Variants in LINGO2 observed in about 807,000 individuals in gnomAD.
LINGO2 encodes the protein leucine rich repeat and Ig domain containing 2, also known as leucine-rich repeat and immunoglobulin-like domain-containing nogo receptor-interacting protein 2.
LINGO2 carries 14 observed loss-of-function variants against 30.6 expected under a neutral mutation model. The observed-to-expected ratio is 0.46, with a 90% CI of 0.30 to 0.72. The LOEUF is 0.72. Among genes scored for constraint, LINGO2 ranks in the 30% least tolerant of loss-of-function variants. The pLI is 0.07. For synonymous variants in LINGO2, 317 were observed against 288.5 expected, an observed-to-expected ratio of 1.10 and a Z score of -1.00; for missense variants, 729 against 751.7, an observed-to-expected ratio of 0.97 and a Z score of 0.35.
intron 4 of LINGO2, among the ~76,000 whole-genome samples, chr9:28,020,452 C>T (rs913736615): frequency 6.6e-6 from 1 of 152,110 alleles, no homozygotes. Flanking sequence ...TCACTTTAAC[C>T]TGGGTGGTGG....
chr9:28,223,735 T>C (rs1374631001), intron 4 of LINGO2, among the ~76,000 whole-genome samples: 2 of 152,116 alleles, frequency 1.3e-5, no homozygotes, highest in Admixed American at 6.5e-5. Flanking sequence ...GGAAACTTCA[T>C]AGAGCTGAAA....
At chr9:28,007,960 AAC>A (rs1481561981) in intron 5 of LINGO2, among the ~76,000 whole-genome samples, 1 of 152,172 alleles carries the variant, frequency 6.6e-6, no homozygotes, top group Non-Finnish European at 1.5e-5. Context: ...TGCTCATGAC[AAC>A]ATTCATGTGG....
At chr9:28,287,716 G>A (rs899364761) in intron 4 of LINGO2, among the ~76,000 whole-genome samples, 1 of 152,226 alleles carries the variant, frequency 6.6e-6, no homozygotes, top group African/African-American at 2.4e-5. Context: ...CTGCCCCCAT[G>A]TTAATTGAAG....
At chr9:28,945,652 T>A in the LINGO2 span, among the ~76,000 whole-genome samples, 1 of 152,182 alleles carries the variant, frequency 6.6e-6, no homozygotes, top group Admixed American at 6.5e-5. Flanking sequence ...GGACTCAACC[T>A]ATCGTACTGA....
At chr9:28,035,983 C>T (rs749366321) in intron 4 of LINGO2, among the ~76,000 whole-genome samples, 1 of 152,058 alleles carries the variant, frequency 6.6e-6, no homozygotes, top group Non-Finnish European at 1.5e-5. Context: ...CTAGCCTCTA[C>T]TTTTAAAAAA....
the LINGO2 span, among the ~76,000 whole-genome samples, chr9:28,840,131 C>T: frequency 6.6e-6 from 1 of 151,852 alleles, no homozygotes; most frequent in Admixed American, 6.5e-5. Flanking sequence ...CTTGAGGAGA[C>T]AGAGGGGCTT....
At chr9:29,189,981 G>A in the LINGO2 span, among the ~76,000 whole-genome samples, 1 of 150,022 alleles carries the variant, frequency 6.7e-6, no homozygotes, top group East Asian at 2.0e-4. Context: ...AGCTTTGGCT[G>A]GGCATCAGAG....
At chr9:28,340,325 C>G (rs1185691643) in intron 3 of LINGO2, among the ~76,000 whole-genome samples, 1 of 152,072 alleles carries the variant, frequency 6.6e-6, no homozygotes, top group Non-Finnish European at 1.5e-5. Context: ...CTCAATACTG[C>G]TAGCTGATTT....
the LINGO2 span, among the ~76,000 whole-genome samples, chr9:29,000,462 T>G: frequency 6.6e-6 from 1 of 151,902 alleles, no homozygotes; most frequent in Non-Finnish European, 1.5e-5. Flanking sequence ...TTTTTGAAAT[T>G]TGAGCACACC....
At chr9:28,041,097 CA>C (rs1052035721) in intron 4 of LINGO2, among the ~76,000 whole-genome samples, 159 of 152,198 alleles carry the variant, frequency 1.0e-3, no homozygotes, top group African/African-American at 3.6e-3. Flanking sequence ...TAAAACTTTC[CA>C]AAAAAGCTAC....
the LINGO2 span, among the ~76,000 whole-genome samples, chr9:29,079,750 G>C: frequency 6.6e-6 from 1 of 151,570 alleles, no homozygotes; most frequent in African/African-American, 2.4e-5. Context: ...AGGACATATG[G>C]TCCTTTACCA....
At chr9:28,180,509 G>C (rs935756893) in intron 4 of LINGO2, among the ~76,000 whole-genome samples, 2 of 152,136 alleles carry the variant, frequency 1.3e-5, no homozygotes, top group African/African-American at 4.8e-5. Context: ...AAGTTTCTTT[G>C]CTTCCTCCCC....
At chr9:28,233,178 C>T (rs1249034277) in intron 4 of LINGO2, among the ~76,000 whole-genome samples, 2 of 150,230 alleles carry the variant, frequency 1.3e-5, no homozygotes, top group South Asian at 2.1e-4. Context: ...TGTGTCATCT[C>T]CATTGATATG....
chr9:28,021,560 C>T (rs944998492), intron 4 of LINGO2, among the ~76,000 whole-genome samples: 2 of 152,002 alleles, frequency 1.3e-5, no homozygotes, highest in Non-Finnish European at 2.9e-5. Flanking sequence ...TGTCTGCCTG[C>T]TTGATTTACC....
At chr9:28,671,513 C>CAAAAAAAAAAAAAAAAAAAAAAAAAA (rs11286682), upstream of LINGO2, among the ~76,000 whole-genome samples, 1 of 105,668 alleles carries the variant, frequency 9.5e-6, no homozygotes, top group Non-Finnish European at 1.8e-5. Context: ...TTATCTTAAG[C>CAAAAAAAAAAAAAAAAAAAAAAAAAA]AAAAAAAAAA....
chr9:28,522,240 A>G (rs1820854223), intron 1 of LINGO2, among the ~76,000 whole-genome samples: 1 of 152,242 alleles, frequency 6.6e-6, no homozygotes, highest in African/African-American at 2.4e-5. Context: ...TCACATTAGT[A>G]GGAACTCTGT....
chr9:28,141,680 G>A (rs536792980), intron 4 of LINGO2, among the ~76,000 whole-genome samples: 5 of 152,126 alleles, frequency 3.3e-5, no homozygotes, highest in Non-Finnish European at 7.4e-5. Flanking sequence ...ACTTTGGGAG[G>A]CTGAGGCGGG....
the LINGO2 span, among the ~76,000 whole-genome samples, chr9:29,127,995 C>T: frequency 6.6e-6 from 1 of 152,190 alleles, no homozygotes; most frequent in East Asian, 1.9e-4. Context: ...GAAACACACC[C>T]AGTTCCTATG....
At chr9:28,043,538 A>G (rs1824285787) in intron 4 of LINGO2, among the ~76,000 whole-genome samples, 1 of 152,242 alleles carries the variant, frequency 6.6e-6, no homozygotes, top group Admixed American at 6.5e-5. Flanking sequence ...TCCCTTGATC[A>G]GAACTCAAAG....
Sources: gnomAD v4.1 joint callset for allele counts (sites outside exome capture counted in the v4.1 genomes callset) on GRCh38, gnomAD v4.1.1 for gene constraint, MANE v1.5 for transcripts, NCBI Gene and HGNC (gene_info 2026-07-23, HGNC 2026-07-21) for gene names.